Variants in CYTH4 observed in about 807,000 individuals in gnomAD.
The protein encoded by CYTH4 is cytohesin 4.
In CYTH4, 22 loss-of-function variants were observed where a neutral mutation model predicts 57.5. The ratio of observed to expected loss-of-function variants is 0.38; its 90% confidence interval spans 0.27 to 0.55. The LOEUF (loss-of-function observed/expected upper bound fraction) is 0.55, where lower values mean the gene tolerates loss of function less well. CYTH4 is among the 20% of genes least tolerant of loss of function. The pLI is 0.74. For missense variants in CYTH4, 420 were observed against 535.6 expected, an observed-to-expected ratio of 0.78 and a Z score of 2.13; for synonymous variants, 186 against 206.5, an observed-to-expected ratio of 0.90 and a Z score of 0.85.
chr22:37,285,524 G>A (rs1928524297), intron 1 of CYTH4, among the ~76,000 whole-genome samples: 1 of 152,072 alleles, frequency 6.6e-6, no homozygotes, highest in Non-Finnish European at 1.5e-5. Flanking sequence ...TGGCCAACAT[G>A]GTGAAACCCC....
intron 7 of CYTH4, among the ~76,000 whole-genome samples, chr22:37,301,720 GAA>G (rs1929192506): frequency 1.0e-5 from 1 of 96,246 alleles, no homozygotes; most frequent in Non-Finnish European, 1.9e-5. Flanking sequence ...GAGAGAGAAA[GAA>G]AGTCTGTCTC....
rs566667499 is a variant in CYTH4, at chr22:37,314,664, G to A, written c.*1153G>A. ...GAGTAGAGCTGACTTCCAGTACCCG[G>A]GCAGCCAGCTCTGTCTCCAGGGAGG... On this transcript the variant is annotated 3_prime_UTR_variant, in exon 13 of 13. Coordinates refer to ENST00000248901, the MANE Select transcript of CYTH4 (RefSeq NM_013385.5). The A allele has an allele frequency of 7.5e-5, 28 of 370,898 alleles. No homozygotes were observed. Among genetic ancestry groups the A allele is most frequent in the African/African-American group, 5.2e-4 (25 of 48,198 alleles). The allele number at this position is 370,898 out of a possible 1,614,324, so 23.0% of individuals were successfully genotyped here. A position where few individuals can be genotyped will look rare whatever the true frequency, so the allele number is the denominator to read the frequency against.
intron 8 of CYTH4, among the ~76,000 whole-genome samples, chr22:37,306,911 C>T (rs747387044): frequency 2.0e-5 from 3 of 152,234 alleles, no homozygotes; most frequent in Non-Finnish European, 4.4e-5. Context: ...CTGAGGCTAG[C>T]AGGATGAAAT....
At chr22:37,296,118 A>C in intron 4 of CYTH4, 53 bp downstream of exon 4, 1 of 1,551,986 alleles carries the variant, frequency 6.4e-7, no homozygotes, top group Non-Finnish European at 8.8e-7. Flanking sequence ...GCATGGGAGC[A>C]CCTGCCTGGT....
chr22:37,292,783 C>A, intron 2 of CYTH4, 80 bp downstream of exon 2: 1 of 1,440,908 alleles, frequency 6.9e-7, no homozygotes, highest in Non-Finnish European at 9.6e-7. Context: ...GCTCCTGACC[C>A]AGCCTGGTCA....
intron 8 of CYTH4, chr22:37,304,065 G>A (rs1929302738): frequency 4.7e-6 from 2 of 423,798 alleles, no homozygotes; most frequent in Non-Finnish European, 9.6e-6. Context: ...TGGAGCTCTG[G>A]AGACGCAGAT....
At chr22:37,305,408 G>A (rs1013172794) in intron 8 of CYTH4, among the ~76,000 whole-genome samples, 25 of 152,126 alleles carry the variant, frequency 1.6e-4, no homozygotes, top group African/African-American at 5.1e-4. Flanking sequence ...AGAACAGAGC[G>A]CTGGACTCAG....
At position 37,295,889 on chromosome 22, in the gene CYTH4, T is replaced by G; in HGVS notation, c.168-110T>G. The G allele has an allele frequency of 1.7e-6, 2 of 1,156,736 alleles. No homozygotes were observed. Among genetic ancestry groups the G allele is most frequent in the Non-Finnish European group, 2.5e-6 (2 of 791,786 alleles). The allele number at this position is 1,156,736 out of a possible 1,614,324, so 71.7% of individuals were successfully genotyped here. On this transcript the variant is annotated intron_variant, in intron 3 of 12. Transcript: ENST00000248901. This position sits in a 1 kb window ranked among gnomAD's most constrained non-coding sequence, Gnocchi z 4.1. Reference sequence around the variant, plus strand: ...CCATGCAGGACCCGGAGGCCACACTTGGAGGGCCCTAGAGGGGTATGGGCT... The same window carrying G: ...CCATGCAGGACCCGGAGGCCACACTGGGAGGGCCCTAGAGGGGTATGGGCT...
Position 37,313,600 on chromosome 22 carries a change from C to T in CYTH4, c.*89C>T. The T allele has an allele frequency of 8.4e-7, 1 of 1,187,836 alleles. No homozygotes were observed. Among genetic ancestry groups the T allele is most frequent in the Non-Finnish European group, 1.3e-6 (1 of 799,964 alleles). 73.6% of individuals were successfully genotyped at this position (1,187,836 alleles called of 1,614,324 possible). A position where few individuals can be genotyped will look rare whatever the true frequency, so the allele number is the denominator to read the frequency against. ...GACCCACCTCCCACCCCAGTGCACT[C>T]TTTTGGGCCACAGACATCATTGCTG... is the stretch of plus-strand genomic sequence containing the variant. On this transcript the variant is annotated 3_prime_UTR_variant, in exon 13 of 13. Transcript: ENST00000248901.
At chr22:37,289,800 AG>A (rs1928686541) in intron 1 of CYTH4, among the ~76,000 whole-genome samples, 1 of 152,216 alleles carries the variant, frequency 6.6e-6, no homozygotes, top group African/African-American at 2.4e-5. Flanking sequence ...GTGCCATTCC[AG>A]GAACTGTTTT....
At chr22:37,302,486 G>A (rs1053804766) in intron 7 of CYTH4, among the ~76,000 whole-genome samples, 1 of 152,192 alleles carries the variant, frequency 6.6e-6, no homozygotes, top group Non-Finnish European at 1.5e-5. Flanking sequence ...CTTAGCACAG[G>A]GCAAGCACCA....
At chr22:37,294,565 G>T in intron 2 of CYTH4, 95 bp from the exon 3 acceptor site, 4 of 1,403,538 alleles carry the variant, frequency 2.8e-6, no homozygotes, top group Non-Finnish European at 4.0e-6. Flanking sequence ...TTTGAGAGTC[G>T]TGCCCAGGGG....
chr22:37,312,042 C>G lies in CYTH4; in HGVS notation c.980C>G (p.Pro327Arg). The change falls in exon 12 of 13, where the codon CCT becomes CGT. Residue 327 changes from proline (P) to arginine (R), a missense_variant. Pro to Arg is a moderately radical substitution (Grantham distance 103). Transcript: ENST00000248901. ...CAGTTCTGCCTGGAGCTCTACAACC[C>G]TAGCTGCCGAGGCCAGAAAATCAAG... is the stretch of plus-strand genomic sequence containing the variant. ...KKPFCLELYN[P>R]SCRGQKIKAC... 6.2e-7 allele frequency: 1 copy of G among 1,614,026 alleles called. No homozygotes were observed. Among genetic ancestry groups the G allele is most frequent in the Non-Finnish European group, 8.5e-7 (1 of 1,179,978 alleles).
intron 2 of CYTH4, among the ~76,000 whole-genome samples, chr22:37,292,952 C>T (rs879831106): frequency 6.6e-6 from 1 of 152,198 alleles, no homozygotes; most frequent in Non-Finnish European, 1.5e-5. Context: ...TGCCGATCCT[C>T]ATCCTGGCCT....
chr22:37,301,241 C>T (rs1354649922), intron 7 of CYTH4, among the ~76,000 whole-genome samples: 1 of 152,168 alleles, frequency 6.6e-6, no homozygotes, highest in Non-Finnish European at 1.5e-5. Context: ...GACGATGGCA[C>T]AGGATGCTAA....
chr22:37,296,244 A>G, intron 4 of CYTH4, 179 bp downstream of exon 4: 1 of 656,534 alleles, frequency 1.5e-6, no homozygotes, highest in East Asian at 2.8e-5. Context: ...CGCCCTGTCT[A>G]CTCCCAGGCA....
Position 37,294,722 on chromosome 22 carries a change from G to A in CYTH4, c.165G>A (p.Glu55=). The change falls in exon 3 of 13, where the codon GAG becomes GAA. Residue 55 remains glutamate, a splice_region_variant and synonymous_variant. Coordinates refer to ENST00000248901, the MANE Select transcript of CYTH4 (RefSeq NM_013385.5). ...AQIDCFESAE[E]SRMAQKEKEL... ...TCGACTGCTTCGAGAGTGCGGAGGA[G>A]AGGTGAGGGGCTTGGGTGGGGACCC... 1 of 1,613,816 alleles carries A rather than the reference G, an allele frequency of 6.2e-7. No homozygotes were observed. The highest frequency in any genetic ancestry group is 8.5e-7 in the Non-Finnish European group (1 of 1,179,786).
chr22:37,284,612 G>A (rs1049867150), intron 1 of CYTH4, among the ~76,000 whole-genome samples: 2 of 152,178 alleles, frequency 1.3e-5, no homozygotes, highest in African/African-American at 4.8e-5. Context: ...TCCTGGCCTG[G>A]CCTGGGGAAG....
intron 4 of CYTH4, 90 bp downstream of exon 4, chr22:37,296,155 G>T: frequency 7.6e-7 from 1 of 1,322,034 alleles, no homozygotes. Context: ...CGGCTGACAC[G>T]ACCCCTTTCC....
Sources: gnomAD v4.1 joint callset for allele counts (sites outside exome capture counted in the v4.1 genomes callset) on GRCh38, gnomAD v4.1.1 for gene constraint, Gnocchi (gnomAD v3.1) non-coding constraint, MANE v1.5 for transcripts, NCBI Gene and HGNC (gene_info 2026-07-23, HGNC 2026-07-21) for gene names.